ARNT2: variants seen among roughly 807,000 people sequenced by gnomAD.
ARNT2 encodes the protein aryl hydrocarbon receptor nuclear translocator 2, also known as ARNT protein 2.
A neutral mutation model predicts 91.7 loss-of-function variants in ARNT2; 36 were observed. The observed-to-expected ratio is 0.39, with a 90% CI of 0.30 to 0.52. ARNT2 has a LOEUF of 0.52. Among genes scored for constraint, ARNT2 ranks in the 20% least tolerant of loss-of-function variants. ARNT2 has a pLI of 0.72. For synonymous variants in ARNT2, 365 were observed against 347.1 expected (o/e 1.05, Z -0.57); for missense variants, 775 against 939.3 (o/e 0.83, Z 2.29).
chr15:80,555,156 C>G lies in ARNT2; in HGVS notation c.1164+17C>G. On this transcript the variant is annotated intron_variant, in intron 11 of 18. Transcript: ENST00000303329. Reference sequence around the variant, plus strand: ...TTCCAGCAGGTACATACTGCCAGTACCCACTTAAAGCTGATGCATAGTCTG... The same window carrying G: ...TTCCAGCAGGTACATACTGCCAGTAGCCACTTAAAGCTGATGCATAGTCTG... The G allele has an allele frequency of 6.2e-7, 1 of 1,613,224 alleles. No homozygotes were observed.
intron 6 of ARNT2, among the ~76,000 whole-genome samples, chr15:80,510,899 G>GA (rs747150274): frequency 3.0e-4 from 46 of 152,202 alleles, no homozygotes; most frequent in Non-Finnish European, 6.0e-4. Flanking sequence ...AGGTTGTGGA[G>GA]AAAAAGGAAT....
rs201266234 is a variant in ARNT2, at chr15:80,460,147, G to A, written c.194+2171G>A. ...GCTGCCTTGTGAGCCAGCACCCACCGTAGTTTGCTGACTCAGAATCTAGGC... is the reference window on the plus strand; with the variant it reads ...GCTGCCTTGTGAGCCAGCACCCACCATAGTTTGCTGACTCAGAATCTAGGC... On this transcript the variant is annotated intron_variant, in intron 3 of 18. Coordinates refer to ENST00000303329, the MANE Select transcript of ARNT2 (RefSeq NM_014862.4). 5.9e-5 allele frequency among the ~76,000 whole-genome samples: 9 copies of A among 152,300 alleles called. No homozygotes were observed. The East Asian group carries it at 9.7e-4, about 16-fold the overall frequency.
chr15:80,464,326 G>A (rs556770045), intron 3 of ARNT2, among the ~76,000 whole-genome samples: 1 of 140,550 alleles, frequency 7.1e-6, no homozygotes, highest in Non-Finnish European at 1.6e-5. Flanking sequence ...GGCTGGGGGT[G>A]GGGGGTTGCA....
chr15:80,518,853 G>A (rs1198309442), intron 8 of ARNT2, among the ~76,000 whole-genome samples: 2 of 152,124 alleles, frequency 1.3e-5, no homozygotes, highest in African/African-American at 4.8e-5. Flanking sequence ...CTCTTAGAGA[G>A]TAGGTCTTTG....
intron 5 of ARNT2, among the ~76,000 whole-genome samples, chr15:80,478,355 G>A (rs941774829): frequency 1.3e-5 from 2 of 152,194 alleles, no homozygotes; most frequent in African/African-American, 4.8e-5. Flanking sequence ...ATAGTTGGGT[G>A]GACATTTCTG....
At chr15:80,581,722 C>A (rs2141481512) in intron 17 of ARNT2, among the ~76,000 whole-genome samples, 1 of 152,336 alleles carries the variant, frequency 6.6e-6, no homozygotes, top group East Asian at 1.9e-4. Flanking sequence ...AAGTCAAAAA[C>A]CTTATAGTCT....
At chr15:80,408,196 T>TGTTC (rs1312296266) in intron 1 of ARNT2, among the ~76,000 whole-genome samples, 1 of 152,218 alleles carries the variant, frequency 6.6e-6, no homozygotes, top group South Asian at 2.1e-4. Context: ...AATCAGCTTG[T>TGTTC]TGAACTGATT....
intron 1 of ARNT2, among the ~76,000 whole-genome samples, chr15:80,425,116 T>A (rs1304607749): frequency 6.6e-6 from 1 of 152,256 alleles, no homozygotes; most frequent in Non-Finnish European, 1.5e-5. Context: ...CACTGGTTTT[T>A]GTTTTATCGA....
chr15:80,503,305 T>A (rs980554121), intron 5 of ARNT2, among the ~76,000 whole-genome samples: 9 of 152,214 alleles, frequency 5.9e-5, no homozygotes, highest in African/African-American at 2.2e-4. Context: ...CAACTGCTAT[T>A]ACATTTGTCA....
At chr15:80,451,027 T>A (rs553392056) in intron 2 of ARNT2, 33 bp downstream of exon 2, 1 of 1,578,836 alleles carries the variant, frequency 6.3e-7, no homozygotes, top group East Asian at 2.2e-5. Context: ...GGAATTGGCT[T>A]AATAAATGTT....
At chr15:80,459,026 T>C (rs921521417) in intron 3 of ARNT2, among the ~76,000 whole-genome samples, 8 of 152,316 alleles carry the variant, frequency 5.3e-5, no homozygotes, top group African/African-American at 1.9e-4. Flanking sequence ...ATGATTCCTT[T>C]TACAAACTGC....
chr15:80,563,137 C>T lies in ARNT2; in HGVS notation c.1214C>T (p.Thr405Ile), dbSNP rs761315788. Residue 405 changes from threonine to isoleucine, a missense_variant, in exon 12 of 19, where the codon ACC becomes ATC. Thr to Ile is a moderately conservative substitution (Grantham distance 89). This residue lies in a region of ARNT2 where 285 missense variants were observed against 327.2 expected (regional missense o/e 0.87). Transcript: ENST00000303329. ...CTGTCGGTCATGTATCGATTTCGCA[C>T]CAAGAACCGGGAGTGGATGTTGATC... ...QVLSVMYRFR[T>I]KNREWMLIRT... 1.2e-6 allele frequency: 2 copies of T among 1,614,188 alleles called. No individual in the cohort carries two copies. Among genetic ancestry groups the T allele is most frequent in the East Asian group, 4.5e-5 (2 of 44,876 alleles).
chr15:80,563,598 T>C lies in ARNT2; in HGVS notation c.1316+359T>C, dbSNP rs531119837. Among the ~76,000 whole-genome samples the C allele has an allele frequency of 2.0e-4, 31 of 152,310 alleles. 1 individual carries two copies. The highest frequency in any genetic ancestry group is 7.5e-4 in the African/African-American group (31 of 41,580). Reference sequence around the variant, plus strand: ...GTTGCTCCCTGTTGCAGCAGCTGCTTGTGCCTGGTTTCTTGGTCCTACCGA... The same window carrying C: ...GTTGCTCCCTGTTGCAGCAGCTGCTCGTGCCTGGTTTCTTGGTCCTACCGA... On this transcript the variant is annotated intron_variant, in intron 12 of 18. Transcript: ENST00000303329.
intron 5 of ARNT2, 104 bp from the exon 6 acceptor site, chr15:80,508,052 G>A (rs1264030151): frequency 3.8e-6 from 4 of 1,057,832 alleles, no homozygotes; most frequent in Non-Finnish European, 5.7e-6. Context: ...AGCCACACTT[G>A]TCCTCATTTG....
chr15:80,483,870 G>C (rs1896926797), intron 5 of ARNT2, among the ~76,000 whole-genome samples: 1 of 152,230 alleles, frequency 6.6e-6, no homozygotes, highest in Non-Finnish European at 1.5e-5. Flanking sequence ...CTTTGCAAAA[G>C]AGGGCAAGGA....
intron 1 of ARNT2, chr15:80,444,355 GGT>G (rs59533738): frequency 0.15 from 23,184 of 150,196 alleles, 1,979 homozygotes; most frequent in African/African-American, 0.26. Flanking sequence ...GTGTGTACGT[GGT>G]GTGTGTGTGT....
chr15:80,570,731 T>TA (rs774761148), intron 12 of ARNT2, among the ~76,000 whole-genome samples: 1 of 151,726 alleles, frequency 6.6e-6, no homozygotes, highest in Non-Finnish European at 1.5e-5. Flanking sequence ...AGGCGTCATC[T>TA]TAACTCACCA....
At chr15:80,415,092 C>T (rs1895759204) in intron 1 of ARNT2, among the ~76,000 whole-genome samples, 1 of 152,224 alleles carries the variant, frequency 6.6e-6, no homozygotes, top group Non-Finnish European at 1.5e-5. Flanking sequence ...CGGTATTCAA[C>T]ACATTTCAGG....
At chr15:80,496,016 A>C (rs1897122879) in intron 5 of ARNT2, among the ~76,000 whole-genome samples, 1 of 152,082 alleles carries the variant, frequency 6.6e-6, no homozygotes, top group African/African-American at 2.4e-5. Flanking sequence ...AGTTGGTTTC[A>C]TCGTTAAGTA....
Sources: allele counts gnomAD v4.1 joint callset (sites outside exome capture counted in the v4.1 genomes callset), GRCh38; gene constraint gnomAD v4.1.1; regional missense constraint gnomAD v4.1.1; transcripts MANE v1.5; gene names NCBI Gene and HGNC (gene_info 2026-07-23, HGNC 2026-07-21).